The following CEP112 variants were observed in gnomAD, a reference collection of about 807,000 sequenced individuals.
CEP112 encodes the protein centrosomal protein 112.
Under a neutral mutation model 153.0 loss-of-function variants are expected in CEP112, and 127 were observed. That is an observed-to-expected ratio of 0.83 (90% CI 0.72 to 0.96). The LOEUF is 0.96. Ranked by LOEUF, CEP112 falls within the 40% of genes least tolerant of loss-of-function variation. The pLI, the probability that CEP112 is intolerant of heterozygous loss-of-function variation, is 0.00. For missense variants in CEP112, 1,089 were observed against 1,101.2 expected (o/e 0.99, Z 0.16); for synonymous variants, 358 against 374.4 (o/e 0.96, Z 0.51).
intron 4 of CEP112, among the ~76,000 whole-genome samples, chr17:66,153,885 G>A (rs948813242): frequency 5.3e-5 from 8 of 151,950 alleles, no homozygotes; most frequent in Non-Finnish European, 1.0e-4. Flanking sequence ...GCCAAGGGCC[G>A]GGTGTGGTGG....
intron 21 of CEP112, among the ~76,000 whole-genome samples, chr17:65,822,242 T>C (rs887115487): frequency 3.9e-5 from 6 of 152,024 alleles, no homozygotes; most frequent in African/African-American, 1.4e-4. Flanking sequence ...TTGGTTTATA[T>C]TGTTGTTATA....
At chr17:65,823,403 A>G (rs1168911373) in intron 21 of CEP112, among the ~76,000 whole-genome samples, 1 of 152,234 alleles carries the variant, frequency 6.6e-6, no homozygotes, top group African/African-American at 2.4e-5. Context: ...ATGATTTTCA[A>G]CAAAGCTGCA....
intron 18 of CEP112, among the ~76,000 whole-genome samples, chr17:65,949,267 G>C (rs2061741254): frequency 6.6e-6 from 1 of 152,198 alleles, no homozygotes; most frequent in Non-Finnish European, 1.5e-5. Context: ...GGGGTCCCTT[G>C]TTACTACACT....
Position 65,851,922 on chromosome 17 carries a change from T to A in CEP112, c.2276A>T (p.Lys759Met), listed in dbSNP as rs1298499031. ...VELGLLREEE[K>M]QRATREHEIV... ...CTCATGTTCCCTTGTAGCCCTTTGC[T>A]TTTCCTCTTCACGAAGAAGACCAAG... The change falls in exon 21 of 27, where the codon AAG (lysine) becomes ATG (methionine). Residue 759 changes from lysine to methionine, a missense_variant. Physicochemically the swap from Lys to Met is moderately conservative, Grantham distance 95. Transcript: ENST00000535342. 2 of 1,614,024 alleles carry A rather than the reference T, an allele frequency of 1.2e-6. No individual in the cohort carries two copies. The highest frequency in any genetic ancestry group is 1.7e-6 in the Non-Finnish European group (2 of 1,179,998).
intron 24 of CEP112, among the ~76,000 whole-genome samples, chr17:65,667,654 A>G (rs1024095969): frequency 1.3e-5 from 2 of 152,052 alleles, no homozygotes; most frequent in Non-Finnish European, 2.9e-5. Flanking sequence ...GGTGGTCATT[A>G]ATTTTAGGTA....
chr17:65,656,926 C>T (rs180754575), intron 24 of CEP112, among the ~76,000 whole-genome samples: 29 of 152,356 alleles, frequency 1.9e-4, no homozygotes, highest in African/African-American at 6.5e-4. Context: ...AAACTCATCA[C>T]ACATGCTCTC....
intron 8 of CEP112, among the ~76,000 whole-genome samples, chr17:66,086,047 AAAT>A (rs1457832057): frequency 6.6e-6 from 1 of 151,996 alleles, no homozygotes. Context: ...ACTTAAAAAG[AAAT>A]AATCCTAGAG....
chr17:65,659,527 G>A (rs2046241133), intron 24 of CEP112, among the ~76,000 whole-genome samples: 1 of 152,172 alleles, frequency 6.6e-6, no homozygotes, highest in Non-Finnish European at 1.5e-5. Context: ...CTCGATGAAC[G>A]CTAATGAGGA....
intron 18 of CEP112, among the ~76,000 whole-genome samples, chr17:65,937,426 A>G (rs1455736956): frequency 1.6e-3 from 114 of 73,494 alleles, no homozygotes; most frequent in African/African-American, 2.7e-3. Context: ...CCTCTGCCCC[A>G]CCGCCCCGTC....
At chr17:65,790,778 A>T (rs2054546648) in intron 21 of CEP112, among the ~76,000 whole-genome samples, 2 of 152,174 alleles carry the variant, frequency 1.3e-5, no homozygotes, top group Admixed American at 6.5e-5. Context: ...GGACCTGAGG[A>T]AAAGCCTGTT....
intron 12 of CEP112, among the ~76,000 whole-genome samples, chr17:66,036,401 G>A (rs2065742334): frequency 6.6e-6 from 1 of 151,888 alleles, no homozygotes; most frequent in Non-Finnish European, 1.5e-5. Context: ...AGAAAACAAT[G>A]GCTAAAACTT....
intron 21 of CEP112, among the ~76,000 whole-genome samples, chr17:65,756,639 A>G (rs2052300263): frequency 6.6e-6 from 1 of 152,126 alleles, no homozygotes; most frequent in East Asian, 1.9e-4. Context: ...AAGGAAATTC[A>G]GAGAGGAGAG....
rs1290848544 is a variant in CEP112 at position 65,841,448 on chromosome 17, T to A, written c.2394+10356A>T. Among the ~76,000 whole-genome samples, 7 of 152,016 alleles carry A rather than the reference T, an allele frequency of 4.6e-5. No homozygotes were observed. In the South Asian group the frequency reaches 6.2e-4, roughly 14 times the overall value. ...CATTCATATGTGGGAGCTAAAAAAG[T>A]GGATCTCATGCAGGTGAGAGTAGAA... On this transcript the variant is annotated intron_variant, in intron 21 of 26. Transcript: ENST00000535342.
At chr17:65,912,961 A>G (rs562998410) in intron 19 of CEP112, among the ~76,000 whole-genome samples, 1 of 152,272 alleles carries the variant, frequency 6.6e-6, no homozygotes, top group South Asian at 2.1e-4. Context: ...TGTGTTTGCC[A>G]TTACTTTCAA....
intron 17 of CEP112, among the ~76,000 whole-genome samples, chr17:65,987,550 GA>G (rs2063452675): frequency 6.6e-6 from 1 of 151,986 alleles, no homozygotes; most frequent in Non-Finnish European, 1.5e-5. Context: ...AGCACAAACA[GA>G]AAAAAAGAGA....
chr17:65,670,060 T>C (rs1461112846), intron 24 of CEP112, among the ~76,000 whole-genome samples: 1 of 152,130 alleles, frequency 6.6e-6, no homozygotes, highest in African/African-American at 2.4e-5. Flanking sequence ...TCCTGGCACA[T>C]AGTAGGTGCT....
chr17:65,785,455 T>C (rs2054229848), intron 21 of CEP112, among the ~76,000 whole-genome samples: 1 of 152,204 alleles, frequency 6.6e-6, no homozygotes, highest in South Asian at 2.1e-4. Context: ...GGTTCTAATT[T>C]CTCCACATCC....
chr17:65,926,377 A>G (rs1479393314), intron 19 of CEP112, among the ~76,000 whole-genome samples: 2 of 151,916 alleles, frequency 1.3e-5, no homozygotes, highest in Non-Finnish European at 2.9e-5. Context: ...CCCACCCTCC[A>G]CCTGGCAAAG....
chr17:65,965,082 C>CAA (rs2062361046), intron 17 of CEP112, among the ~76,000 whole-genome samples: 1 of 152,020 alleles, frequency 6.6e-6, no homozygotes, highest in Non-Finnish European at 1.5e-5. Context: ...TGCAATAATT[C>CAA]ACATGAACTA....
Sources: allele counts gnomAD v4.1 joint callset (sites outside exome capture counted in the v4.1 genomes callset), GRCh38; gene constraint gnomAD v4.1.1; transcripts MANE v1.5; gene names NCBI Gene and HGNC (gene_info 2026-07-23, HGNC 2026-07-21).